Variants in MAGI1 observed in about 807,000 individuals in gnomAD.
MAGI1 encodes membrane associated guanylate kinase, WW and PDZ domain containing 1.
MAGI1 carries 58 observed loss-of-function variants against 139.9 expected under a neutral mutation model. The ratio of observed to expected loss-of-function variants is 0.41; its 90% CI spans 0.34 to 0.52. The LOEUF (loss-of-function observed/expected upper bound fraction) is 0.52. MAGI1 is among the 20% of genes least tolerant of loss of function. The pLI is 0.12. For missense variants in MAGI1, 1,874 were observed against 1,901.6 expected (o/e 0.99, Z 0.27); for synonymous variants, 812 against 737.9 (o/e 1.10, Z -1.63).
At chr3:65,360,206 G>C in intron 22 of MAGI1, 1 of 985,270 alleles carries the variant, frequency 1.0e-6, no homozygotes, top group Non-Finnish European at 1.2e-6. Context: ...TGTGCAGAAT[G>C]ACTTTCAGAA....
At chr3:65,796,354 G>A (rs72894118) in intron 1 of MAGI1, among the ~76,000 whole-genome samples, 4,964 of 152,218 alleles carry the variant, frequency 0.033, 250 homozygotes, top group African/African-American at 0.11. Context: ...CAATGTAAAC[G>A]TTATTCTTAT....
intron 1 of MAGI1, among the ~76,000 whole-genome samples, chr3:66,029,208 T>C (rs2068464949): frequency 6.6e-6 from 1 of 152,182 alleles, no homozygotes; most frequent in Admixed American, 6.5e-5. Flanking sequence ...TAAATTGCTA[T>C]TTGTGGATCA....
At chr3:65,627,485 CTTTTTTTTTTTTTTTTTTT>C (rs779588733) in intron 1 of MAGI1, among the ~76,000 whole-genome samples, 23 of 28,348 alleles carry the variant, frequency 8.1e-4, no homozygotes, top group African/African-American at 1.1e-3. Flanking sequence ...ATTTCTGTAT[CTTTTTTTTTTTTTTTTTTT>C]TTTTTTTTTT....
chr3:65,919,721 G>C (rs1427426397), intron 1 of MAGI1, among the ~76,000 whole-genome samples: 1 of 149,926 alleles, frequency 6.7e-6, no homozygotes, highest in East Asian at 2.0e-4. Context: ...CATTTTTCAA[G>C]TTAGAAAAAG....
chr3:65,520,602 T>C (rs1375648332), intron 2 of MAGI1, among the ~76,000 whole-genome samples: 2 of 152,140 alleles, frequency 1.3e-5, no homozygotes, highest in African/African-American at 4.8e-5. Context: ...ATTAATAGGA[T>C]TGATTTTTTA....
At chr3:65,427,632 C>T (rs76573246) in intron 12 of MAGI1, among the ~76,000 whole-genome samples, 8,590 of 152,160 alleles carry the variant, frequency 0.056, 459 homozygotes, top group African/African-American at 0.14. Context: ...TATTAAGCAA[C>T]TATACAAAAA....
chr3:65,669,788 C>G (rs187441456), intron 1 of MAGI1, among the ~76,000 whole-genome samples: 71 of 152,300 alleles, frequency 4.7e-4, no homozygotes, highest in Non-Finnish European at 9.1e-4. Flanking sequence ...GGAAAGTTTG[C>G]TCAACTTTAG....
chr3:66,021,904 T>C (rs1444518542), intron 1 of MAGI1, among the ~76,000 whole-genome samples: 1 of 152,142 alleles, frequency 6.6e-6, no homozygotes, highest in Non-Finnish European at 1.5e-5. Flanking sequence ...ATGTGTGGGG[T>C]ACTGTGTTCA....
intron 1 of MAGI1, among the ~76,000 whole-genome samples, chr3:65,783,407 G>C (rs2039094565): frequency 6.6e-6 from 1 of 152,084 alleles, no homozygotes; most frequent in African/African-American, 2.4e-5. Context: ...CGAACACTTT[G>C]AGAGGGCAGG....
At chr3:65,721,166 A>G (rs1264129879) in intron 1 of MAGI1, among the ~76,000 whole-genome samples, 3 of 152,124 alleles carry the variant, frequency 2.0e-5, no homozygotes, top group Non-Finnish European at 4.4e-5. Flanking sequence ...TTTAACTAAT[A>G]TGTTTGCCAC....
intron 1 of MAGI1, among the ~76,000 whole-genome samples, chr3:65,634,736 T>C (rs529636383): frequency 1.3e-5 from 2 of 152,132 alleles, no homozygotes; most frequent in South Asian, 2.1e-4. Flanking sequence ...TTTAAAAAAA[T>C]AAGAACAACA....
In MAGI1 at chr3:65,961,156, T is replaced by C. The variant is rs2064405575; in HGVS notation, c.313+76840A>G. Reference sequence around the variant, plus strand: ...CAGAAGGGGGCATTCCTGTGTCCATTTGGTGTACCCCTGCAACAGGCTATT... The same window carrying C: ...CAGAAGGGGGCATTCCTGTGTCCATCTGGTGTACCCCTGCAACAGGCTATT... On this transcript the variant is annotated intron_variant, in intron 1 of 22. Coordinates refer to ENST00000402939, the MANE Select transcript of MAGI1 (RefSeq NM_001033057.2). Among the ~76,000 whole-genome samples the C allele has an allele frequency of 3.3e-5, 5 of 152,332 alleles. No homozygotes were observed. In the South Asian group the frequency reaches 1.0e-3, roughly 32 times the overall value.
intron 1 of MAGI1, among the ~76,000 whole-genome samples, chr3:65,963,524 G>A (rs991831849): frequency 1.3e-5 from 2 of 151,924 alleles, no homozygotes; most frequent in African/African-American, 4.8e-5. Context: ...GCTGAGGCAG[G>A]AGAATCACTT....
chr3:65,486,572 G>T (rs533476189), intron 3 of MAGI1, among the ~76,000 whole-genome samples: 1 of 152,332 alleles, frequency 6.6e-6, no homozygotes, highest in East Asian at 1.9e-4. Context: ...CCACAATTAG[G>T]AAGTTGGGCC....
intron 13 of MAGI1, among the ~76,000 whole-genome samples, chr3:65,395,381 C>A (rs1235539071): frequency 6.6e-6 from 1 of 151,904 alleles, no homozygotes; most frequent in African/African-American, 2.4e-5. Flanking sequence ...ATGGCTCACA[C>A]ATGTAATCCC....
At chr3:65,587,108 A>G (rs975303490) in intron 2 of MAGI1, among the ~76,000 whole-genome samples, 7 of 152,268 alleles carry the variant, frequency 4.6e-5, no homozygotes, top group African/African-American at 1.7e-4. Context: ...GACATTCCCC[A>G]ATAAGATATT....
chr3:65,889,763 T>C (rs951686607), intron 1 of MAGI1, among the ~76,000 whole-genome samples: 1 of 152,072 alleles, frequency 6.6e-6, no homozygotes, highest in Admixed American at 6.5e-5. Context: ...TTTACACTCA[T>C]AGTATGGGGG....
At chr3:65,373,576 GTACCTGCAA>G (rs1347238267) in intron 18 of MAGI1, among the ~76,000 whole-genome samples, 1 of 152,208 alleles carries the variant, frequency 6.6e-6, no homozygotes, top group Non-Finnish European at 1.5e-5. Context: ...ACAAAATGAA[GTACCTGCAA>G]AGCGCAATAA....
rs1942478295 is a variant in MAGI1, at chr3:65,375,955, T to C, written c.2996-10A>G. 3 of 1,606,760 alleles carry C rather than the reference T, an allele frequency of 1.9e-6. No individual in the cohort carries two copies. The highest frequency in any genetic ancestry group is 2.6e-6 in the Non-Finnish European group (3 of 1,174,902). On this transcript the variant is annotated splice_polypyrimidine_tract_variant and intron_variant, in intron 17 of 22. Coordinates refer to ENST00000402939, the MANE Select transcript of MAGI1 (RefSeq NM_001033057.2). ...GCCACACATGCATTGCCTGCTTTGA[T>C]ATTGAGTTTTAATTTTTTTAAAGTT...
Sources: gnomAD v4.1 joint callset for allele counts (sites outside exome capture counted in the v4.1 genomes callset) on GRCh38, gnomAD v4.1.1 for gene constraint, MANE v1.5 for transcripts, NCBI Gene and HGNC (gene_info 2026-07-23, HGNC 2026-07-21) for gene names.